SYNCRIP: variants seen among roughly 807,000 people sequenced by gnomAD.
The protein encoded by SYNCRIP is heterogeneous nuclear ribonucleoprotein Q.
Under a neutral mutation model 68.9 loss-of-function variants are expected in SYNCRIP, and 9 were observed. The observed-to-expected ratio is 0.13, with a 90% CI of 0.08 to 0.23. SYNCRIP has a LOEUF of 0.23. Ranked by LOEUF, SYNCRIP falls within the 10% of genes least tolerant of loss-of-function variation. The probability of loss-of-function intolerance (pLI) is 1.00; values close to 1 mark genes in which losing one functional copy is unlikely to be tolerated. For synonymous variants in SYNCRIP, 258 were observed against 254.0 expected, an observed-to-expected ratio of 1.02 and a Z score of -0.15; for missense variants, 414 against 770.6, an observed-to-expected ratio of 0.54 and a Z score of 5.48.
chr6:85,608,166 A>G (rs1474280672), downstream of SYNCRIP: 1 of 152,032 alleles, frequency 6.6e-6, no homozygotes, highest in Non-Finnish European at 1.5e-5. Flanking sequence ...GCAACTGAGG[A>G]TATCTTGAGG....
chr6:85,636,637 G>A (rs888723782), intron 6 of SYNCRIP, among the ~76,000 whole-genome samples: 4 of 152,132 alleles, frequency 2.6e-5, no homozygotes, highest in African/African-American at 9.7e-5. Flanking sequence ...GGTATGGCCA[G>A]GAAGTATGAG....
At chr6:85,631,301 T>C in intron 6 of SYNCRIP, among the ~76,000 whole-genome samples, 1 of 136,266 alleles carries the variant, frequency 7.3e-6, no homozygotes, top group Admixed American at 7.9e-5. Context: ...ATCGCACCAC[T>C]GCCCTCCAGC....
rs531476467 is a variant in SYNCRIP, at chr6:85,640,340, T to C, written c.268-12A>G. ...AAGGCACTTTTGTTCTGCAAAAAAA[T>C]GTTCCATTAATATTTAACAATAACC... On this transcript the variant is annotated splice_polypyrimidine_tract_variant and intron_variant, in intron 3 of 10. Coordinates refer to ENST00000369622, the MANE Select transcript of SYNCRIP (RefSeq NM_006372.5). 9 of 1,608,984 alleles carry C rather than the reference T, an allele frequency of 5.6e-6. No individual in the cohort carries two copies. The highest frequency in any genetic ancestry group is 4.5e-5 in the East Asian group (2 of 44,792).
downstream of SYNCRIP, chr6:85,612,292 AG>A (rs1805308270): frequency 6.6e-6 from 1 of 152,242 alleles, no homozygotes; most frequent in Non-Finnish European, 1.5e-5. Context: ...CCTTTTAAAA[AG>A]GTTCTGAAAA....
rs781083306 is a variant in SYNCRIP, at chr6:85,629,516, CAAAA to C, written c.667-5408_667-5405del. On this transcript the variant is annotated intron_variant, in intron 6 of 10. Coordinates refer to ENST00000369622, the MANE Select transcript of SYNCRIP (RefSeq NM_006372.5). ...CAGCCTGGTCAACAAACTAAAAATA[CAAAA>C]AAAAAAAAAAAAAAAAAAAAGGGCC... Among the ~76,000 whole-genome samples, 21 of 64,908 alleles carry C rather than the reference CAAAA, an allele frequency of 3.2e-4. No homozygotes were observed. In the Admixed American group the frequency reaches 3.8e-3, roughly 12 times the overall value. 42.6% of individuals were successfully genotyped at this position (64,908 alleles called of 152,430 possible).
At chr6:85,627,441 C>T (rs897172334) in intron 6 of SYNCRIP, among the ~76,000 whole-genome samples, 3 of 152,008 alleles carry the variant, frequency 2.0e-5, no homozygotes, top group Admixed American at 6.6e-5. Context: ...ACCCCATCTA[C>T]GGATTACGCA....
At chr6:85,631,863 T>A (rs1197556428) in intron 6 of SYNCRIP, among the ~76,000 whole-genome samples, 1 of 152,124 alleles carries the variant, frequency 6.6e-6, no homozygotes, top group East Asian at 1.9e-4. Context: ...GCAGAAAGGG[T>A]TGTTGAGGCT....
downstream of SYNCRIP, among the ~76,000 whole-genome samples, chr6:85,613,289 C>T (rs1319209130): frequency 6.6e-6 from 1 of 152,030 alleles, no homozygotes; most frequent in African/African-American, 2.4e-5. Flanking sequence ...ATGAAGTAAT[C>T]ATAAAATATG....
intron 6 of SYNCRIP, among the ~76,000 whole-genome samples, chr6:85,626,715 G>GC (rs1807078310): frequency 6.6e-6 from 1 of 152,090 alleles, no homozygotes; most frequent in African/African-American, 2.4e-5. Flanking sequence ...TGTAACATAG[G>GC]CAACACTTCC....
intron 4 of SYNCRIP, among the ~76,000 whole-genome samples, chr6:85,639,013 T>A (rs533009975): frequency 2.6e-5 from 4 of 152,076 alleles, no homozygotes; most frequent in African/African-American, 9.7e-5. Context: ...ATTGAGACCA[T>A]CCCGGTCAAC....
chr6:85,608,286 T>C (rs1291571745), downstream of SYNCRIP: 3 of 152,082 alleles, frequency 2.0e-5, no homozygotes, highest in Admixed American at 6.6e-5. Flanking sequence ...GAGTGATGAA[T>C]TGGAGGACAC....
At chr6:85,637,193 C>T (rs758435534) in intron 5 of SYNCRIP, 50 bp from the exon 6 acceptor site, 9 of 1,606,726 alleles carry the variant, frequency 5.6e-6, no homozygotes, top group Middle Eastern at 3.3e-4. Context: ...TTTAGGAAAC[C>T]AGATACCTGT....
rs145006901 is a variant in SYNCRIP, at chr6:85,624,342, C to G, written c.667-230G>C. 7.8e-3 allele frequency among the ~76,000 whole-genome samples: 1,191 copies of G among 152,272 alleles called. 12 individuals carry two copies. The highest frequency in any genetic ancestry group is 0.027 in the African/African-American group (1,117 of 41,556). ...ATCCTTTACTTGATTAATTAGAAAT[C>G]AGATCTGCAGCAGCTTAAATTCAAA... On this transcript the variant is annotated intron_variant, in intron 6 of 10. Transcript: ENST00000369622.
At chr6:85,617,958 A>C (rs1028856141) in intron 10 of SYNCRIP, among the ~76,000 whole-genome samples, 1 of 152,208 alleles carries the variant, frequency 6.6e-6, no homozygotes, top group African/African-American at 2.4e-5. Flanking sequence ...TTCTCTAAAA[A>C]GGTCTCCCTA....
At chr6:85,631,667 T>C (rs1807811181) in intron 6 of SYNCRIP, among the ~76,000 whole-genome samples, 1 of 152,242 alleles carries the variant, frequency 6.6e-6, no homozygotes, top group African/African-American at 2.4e-5. Context: ...TCCTTAACTC[T>C]TTTAACACTA....
At chr6:85,620,657 A>G (rs977202110) in intron 8 of SYNCRIP, among the ~76,000 whole-genome samples, 1 of 152,240 alleles carries the variant, frequency 6.6e-6, no homozygotes, top group South Asian at 2.1e-4. Flanking sequence ...ACTTTAGGTA[A>G]TCAATCTACG....
intron 4 of SYNCRIP, among the ~76,000 whole-genome samples, chr6:85,638,532 A>G (rs993769969): frequency 6.6e-6 from 1 of 152,208 alleles, no homozygotes; most frequent in African/African-American, 2.4e-5. Context: ...GGACATTCTG[A>G]AATAAAAACA....
chr6:85,614,119 A>G lies in SYNCRIP; in HGVS notation c.*637T>C. 1.0e-6 allele frequency: 1 copy of G among 985,908 alleles called. No individual in the cohort carries two copies. The highest frequency in any genetic ancestry group is 1.2e-6 in the Non-Finnish European group (1 of 829,950). 61.1% of individuals were successfully genotyped at this position (985,908 alleles called of 1,614,324 possible). A position where few individuals can be genotyped will look rare whatever the true frequency, so the allele number is the denominator to read the frequency against. ...TCCACACAAGAATTAACAAGGCACAAAACCCTTTAATTGGCCTTGACATGC... is the reference window on the plus strand; with the variant it reads ...TCCACACAAGAATTAACAAGGCACAGAACCCTTTAATTGGCCTTGACATGC... On this transcript the variant is annotated 3_prime_UTR_variant, in exon 11 of 11. Coordinates refer to ENST00000369622, the MANE Select transcript of SYNCRIP (RefSeq NM_006372.5).
chr6:85,614,237 T>C lies in SYNCRIP; in HGVS notation c.*519A>G. On this transcript the variant is annotated 3_prime_UTR_variant, in exon 11 of 11. Coordinates refer to ENST00000369622, the MANE Select transcript of SYNCRIP (RefSeq NM_006372.5). ...TATACATTTAGGTGTGAATTTTTTA[T>C]TGAAATAAACAACAGCATAAAGAAT... 1.0e-6 allele frequency: 1 copy of C among 985,718 alleles called. No homozygotes were observed. The highest frequency in any genetic ancestry group is 1.2e-6 in the Non-Finnish European group (1 of 829,784). The allele number at this position is 985,718 out of a possible 1,614,324, so 61.1% of individuals were successfully genotyped here. A position where few individuals can be genotyped will look rare whatever the true frequency, so the allele number is the denominator to read the frequency against.
Sources: allele counts gnomAD v4.1 joint callset (sites outside exome capture counted in the v4.1 genomes callset), GRCh38; gene constraint gnomAD v4.1.1; transcripts MANE v1.5; gene names NCBI Gene and HGNC (gene_info 2026-07-23, HGNC 2026-07-21).